TSC2: variants seen among roughly 807,000 people sequenced by gnomAD.
TSC2 encodes tuberin.
TSC2 carries 29 observed loss-of-function variants against 202.2 expected under a neutral mutation model. The observed-to-expected ratio is 0.14, with a 90% CI of 0.11 to 0.20. The LOEUF is 0.20. Among genes scored for constraint, TSC2 ranks in the 10% least tolerant of loss-of-function variants. TSC2 has a pLI of 1.00. For missense variants in TSC2, 2,429 were observed against 2,420.0 expected (o/e 1.00, Z -0.08); for synonymous variants, 1,349 against 1,044.0 (o/e 1.29, Z -5.63).
rs562220073 is a variant in TSC2, at chr16:2,088,493, C to T, written c.5307C>T (p.His1769=). The change falls in exon 42 of 42, where the codon CAC becomes CAT. Residue 1769 remains histidine, a synonymous_variant. Coordinates refer to ENST00000219476, the MANE Select transcript of TSC2 (RefSeq NM_000548.5). The stretch of plus-strand genomic sequence containing the variant: ...CCAACCCCAGCCTACCTCTGGTGCA[C>T]CCTCCGTCCCATAGCAAAGCCCCTG... ...AYSNPSLPLV[H]PPSHSKAPAQ... is the part of the protein sequence containing the mutation. 56 of 1,612,768 alleles carry T rather than the reference C, an allele frequency of 3.5e-5. No individual in the cohort carries two copies. Among genetic ancestry groups the T allele is most frequent in the East Asian group, 2.0e-4 (9 of 44,878 alleles).
chr16:2,078,894 C>A, intron 26 of TSC2, 138 bp from the exon 27 acceptor site: 1 of 1,144,414 alleles, frequency 8.7e-7, no homozygotes, highest in Non-Finnish European at 1.3e-6. Flanking sequence ...CTGAGGCTCG[C>A]TGGGCCGCCC....
intron 37 of TSC2, 105 bp downstream of exon 37, chr16:2,086,484 C>A: frequency 6.7e-7 from 1 of 1,491,656 alleles, no homozygotes; most frequent in Non-Finnish European, 9.1e-7. Flanking sequence ...GCACCCCCAC[C>A]TGCTCCAGCT....
At position 2,082,570 on chromosome 16, in the gene TSC2, G is replaced by A. The variant is rs74002774; in HGVS notation, c.3883+66G>A. 2.2e-3 allele frequency: 3,401 copies of A among 1,570,194 alleles called. 54 individuals are homozygous for A. The African/African-American group carries it at 0.04, about 18-fold the overall frequency. On this transcript the variant is annotated intron_variant, in intron 32 of 41. Coordinates refer to ENST00000219476, the MANE Select transcript of TSC2 (RefSeq NM_000548.5). ...ACTCTGCCTCATAGGTGCTGTGCTC[G>A]TCGCCTCATCCGCCCACCCCCATGG...
rs746657260 is a variant in TSC2 at position 2,089,020 on chromosome 16, C to T, written c.*410C>T. The T allele has an allele frequency of 3.7e-5, 8 of 216,246 alleles. No homozygotes were observed. The highest frequency in any genetic ancestry group is 1.5e-4 in the South Asian group (2 of 12,974). 13.4% of individuals were successfully genotyped at this position (216,246 alleles called of 1,614,324 possible). A position where few individuals can be genotyped will look rare whatever the true frequency, so the allele number is the denominator to read the frequency against. The stretch of plus-strand genomic sequence containing the variant: ...CAGACCTGATGCCAGCAGGCCTGGG[C>T]GCTGCTCTCTTGCTACCTGGCCTGG... On this transcript the variant is annotated 3_prime_UTR_variant, in exon 42 of 42. Transcript: ENST00000219476.
At chr16:2,085,569 G>A (rs534322081) in intron 36 of TSC2, among the ~76,000 whole-genome samples, 7 of 152,308 alleles carry the variant, frequency 4.6e-5, no homozygotes, top group East Asian at 3.9e-4. Context: ...GGGTGGCACC[G>A]GTCGCAGGGC....
chr16:2,081,369 C>A, intron 30 of TSC2: 1 of 608,434 alleles, frequency 1.6e-6, no homozygotes, highest in South Asian at 1.9e-5. Context: ...GGGCTGGAGG[C>A]CGCTGCTCTG....
chr16:2,081,527 C>T (rs1408465997), intron 30 of TSC2, 68 bp from the exon 31 acceptor site: 19 of 1,604,036 alleles, frequency 1.2e-5, no homozygotes, highest in Middle Eastern at 1.7e-4. Flanking sequence ...GCCAGGAGGC[C>T]CCTGGGGGGC....
At chr16:2,056,490 A>G (rs1382443252) in intron 7 of TSC2, among the ~76,000 whole-genome samples, 154 bp from the exon 8 acceptor site, 1 of 152,222 alleles carries the variant, frequency 6.6e-6, no homozygotes, top group African/African-American at 2.4e-5. Context: ...TGCTTCCCAC[A>G]TGCCCGCTTG....
chr16:2,086,018 G>A (rs960396128), intron 36 of TSC2, among the ~76,000 whole-genome samples, 175 bp from the exon 37 acceptor site: 1 of 152,192 alleles, frequency 6.6e-6, no homozygotes, highest in African/African-American at 2.4e-5. Context: ...AGGGAAGAGA[G>A]GGAGTCAAGG....
intron 14 of TSC2, chr16:2,063,298 G>C: frequency 3.3e-6 from 2 of 602,292 alleles, no homozygotes; most frequent in Non-Finnish European, 5.9e-6. Flanking sequence ...TGCCCTCAGG[G>C]AGCTCCGGCC....
intron 1 of TSC2, chr16:2,048,340 G>T (rs912507485): frequency 1.1e-6 from 1 of 906,612 alleles, no homozygotes. Context: ...CCCGTGCACT[G>T]AGTCGGGCGG....
At chr16:2,055,574 G>A (rs2151063392) in intron 6 of TSC2, 55 bp downstream of exon 6, 1 of 1,537,722 alleles carries the variant, frequency 6.5e-7, no homozygotes, top group Non-Finnish European at 9.0e-7. Flanking sequence ...CAGCTCCGCA[G>A]TGAATAAAGT....
chr16:2,075,525 CA>C (rs933350142), intron 22 of TSC2, among the ~76,000 whole-genome samples: 589 of 27,278 alleles, frequency 0.022, 1 homozygote, highest in African/African-American at 0.049. Context: ...AGACTCATCT[CA>C]AAAAAAAAAA....
chr16:2,069,541 A>G (rs1190255859), intron 16 of TSC2, among the ~76,000 whole-genome samples: 8 of 149,418 alleles, frequency 5.4e-5, no homozygotes, highest in Non-Finnish European at 7.4e-5. Flanking sequence ...GTGCAGTGGC[A>G]CGATCTCGGC....
At chr16:2,054,461 G>A (rs397515040) in intron 5 of TSC2, 21 bp downstream of exon 5, 1 of 1,614,052 alleles carries the variant, frequency 6.2e-7, no homozygotes, top group South Asian at 1.1e-5. Flanking sequence ...CCTTGGGTTG[G>A]AGGTTTCTCT....
intron 6 of TSC2, 193 bp from the exon 7 acceptor site, chr16:2,056,003 C>T: frequency 1.5e-6 from 1 of 686,436 alleles, no homozygotes; most frequent in Non-Finnish European, 2.6e-6. Context: ...CTCTGTCTCA[C>T]TCATGCTGAA....
Position 2,047,989 on chromosome 16 carries a change from C to T in TSC2, c.-106C>T. The T allele has an allele frequency of 2.0e-6, 3 of 1,511,570 alleles. No individual in the cohort carries two copies. Among genetic ancestry groups the T allele is most frequent in the Non-Finnish European group, 1.8e-6 (2 of 1,131,978 alleles). 93.6% of individuals were successfully genotyped at this position (1,511,570 alleles called of 1,614,324 possible). On this transcript the variant is annotated 5_prime_UTR_variant, in exon 1 of 42. Coordinates refer to ENST00000219476, the MANE Select transcript of TSC2 (RefSeq NM_000548.5). Reference sequence around the variant, plus strand: ...GCTACCGGAAGTGCGGGTCGCGCTTCCGGCGGCGTCCCGGGGCCAGGGGGG... The same window carrying T: ...GCTACCGGAAGTGCGGGTCGCGCTTTCGGCGGCGTCCCGGGGCCAGGGGGG...
At chr16:2,086,074 T>G in intron 36 of TSC2, 119 bp from the exon 37 acceptor site, 1 of 1,198,446 alleles carries the variant, frequency 8.3e-7, no homozygotes, top group Non-Finnish European at 1.2e-6. Flanking sequence ...ATGGATGGTC[T>G]TGTCTGCCTC....
At chr16:2,085,199 T>C (rs540692421) in intron 35 of TSC2, 31 bp from the exon 36 acceptor site, 1 of 1,612,348 alleles carries the variant, frequency 6.2e-7, no homozygotes, top group African/African-American at 1.3e-5. Flanking sequence ...GACGGGCGTC[T>C]GGGGCTCAGG....
Sources: gnomAD v4.1 joint callset for allele counts (sites outside exome capture counted in the v4.1 genomes callset) on GRCh38, gnomAD v4.1.1 for gene constraint, MANE v1.5 for transcripts, NCBI Gene and HGNC (gene_info 2026-07-23, HGNC 2026-07-21) for gene names.